The following SPOCK3 variants were observed in gnomAD, a reference collection of about 807,000 sequenced individuals.
SPOCK3 encodes SPARC (osteonectin), cwcv and kazal like domains proteoglycan 3.
SPOCK3 carries 30 observed loss-of-function variants against 56.6 expected under a neutral mutation model. The ratio of observed to expected loss-of-function variants is 0.53; its 90% CI spans 0.40 to 0.72. The LOEUF is 0.72. Ranked by LOEUF, SPOCK3 falls within the 30% of genes least tolerant of loss-of-function variation. The pLI is 0.00. For synonymous variants in SPOCK3, 196 were observed against 183.3 expected (o/e 1.07, Z -0.56); for missense variants, 527 against 530.0 (o/e 0.99, Z 0.06).
At chr4:167,233,899 C>T (rs1737444907) in intron 2 of SPOCK3, 86 bp downstream of exon 2, 1 of 1,183,418 alleles carries the variant, frequency 8.5e-7, no homozygotes, top group Non-Finnish European at 1.2e-6. Flanking sequence ...AAACGGAGCC[C>T]ACTCCCCACC....
At chr4:167,166,941 C>A (rs1170562511) in intron 2 of SPOCK3, among the ~76,000 whole-genome samples, 3 of 151,980 alleles carry the variant, frequency 2.0e-5, no homozygotes, top group Admixed American at 6.6e-5. Flanking sequence ...GAGTTCCATG[C>A]CCTAAATATT....
intron 4 of SPOCK3, among the ~76,000 whole-genome samples, chr4:166,947,743 G>A (rs566786033): frequency 1.8e-4 from 28 of 152,038 alleles, no homozygotes; most frequent in African/African-American, 4.3e-4. Context: ...AAATTGACAC[G>A]TCATAATTGC....
intron 3 of SPOCK3, among the ~76,000 whole-genome samples, chr4:167,037,135 G>T (rs1246586251): frequency 6.6e-6 from 1 of 152,164 alleles, no homozygotes; most frequent in Non-Finnish European, 1.5e-5. Context: ...ATCCTCAAAA[G>T]TAGGGGAGAA....
At chr4:167,024,860 A>T (rs1820596) in intron 3 of SPOCK3, among the ~76,000 whole-genome samples, 124,680 of 151,716 alleles carry the variant, frequency 0.82, 51,357 homozygotes, top group East Asian at 0.97. Flanking sequence ...ATAAAAAAAA[A>T]TTTTAAAAAT....
chr4:166,984,914 C>A (rs924991432), intron 4 of SPOCK3, among the ~76,000 whole-genome samples: 6 of 152,094 alleles, frequency 3.9e-5, no homozygotes, highest in African/African-American at 1.4e-4. Context: ...AATGATCATG[C>A]TTTTAGTTCC....
At chr4:167,116,632 C>CTATATACGTATATATATACATATATA (rs1561233813) in intron 2 of SPOCK3, among the ~76,000 whole-genome samples, 4 of 122,392 alleles carry the variant, frequency 3.3e-5, no homozygotes, top group African/African-American at 1.3e-4. Flanking sequence ...TACATATATA[C>CTATATACGTATATATATACATATATA]TATATACGTA....
At chr4:166,873,691 TTAC>T (rs1350639624) in intron 6 of SPOCK3, among the ~76,000 whole-genome samples, 1 of 152,168 alleles carries the variant, frequency 6.6e-6, no homozygotes, top group African/African-American at 2.4e-5. Flanking sequence ...AGATTCCCTG[TTAC>T]TACTAAATTA....
intron 2 of SPOCK3, among the ~76,000 whole-genome samples, chr4:167,116,845 TTA>T (rs1489445044): frequency 2.1e-5 from 3 of 141,422 alleles, no homozygotes; most frequent in Non-Finnish European, 4.6e-5. Flanking sequence ...ATATATACTT[TTA>T]TATATATACT....
intron 2 of SPOCK3, among the ~76,000 whole-genome samples, chr4:167,196,522 T>C (rs1212999371): frequency 6.6e-6 from 1 of 152,114 alleles, no homozygotes; most frequent in Non-Finnish European, 1.5e-5. Context: ...TCTTTCTTTT[T>C]TTTTTACATT....
intron 7 of SPOCK3, among the ~76,000 whole-genome samples, chr4:166,791,869 T>C (rs972652671): frequency 3.3e-5 from 5 of 152,176 alleles, no homozygotes; most frequent in African/African-American, 1.2e-4. Flanking sequence ...CTTTACTTTC[T>C]ATGTTGTTCT....
intron 2 of SPOCK3, among the ~76,000 whole-genome samples, chr4:167,097,076 C>T (rs566934535): frequency 6.6e-6 from 1 of 151,522 alleles, no homozygotes; most frequent in Non-Finnish European, 1.5e-5. Flanking sequence ...TATATAGTTA[C>T]TCTTATTTTA....
At position 166,752,611 on chromosome 4, in the gene SPOCK3, CACAT is replaced by C. The variant is rs1368201935; in HGVS notation, c.931+1893_931+1896del. Among the ~76,000 whole-genome samples, 28 of 145,858 alleles carry C rather than the reference CACAT, an allele frequency of 1.9e-4. No homozygotes were observed. In the East Asian group the frequency reaches 2.2e-3, roughly 12 times the overall value. On this transcript the variant is annotated intron_variant, in intron 8 of 10. Coordinates refer to ENST00000357545, the MANE Select transcript of SPOCK3 (RefSeq NM_001040159.2). ...ACACACACACACACACACACACACA[CACAT>C]ATATTTATAGCTACAGTAAACAAGA... is the stretch of plus-strand genomic sequence containing the variant.
chr4:166,962,266 T>C (rs115644030), intron 4 of SPOCK3, among the ~76,000 whole-genome samples: 126 of 152,256 alleles, frequency 8.3e-4, no homozygotes, highest in African/African-American at 3.0e-3. Context: ...TGTGAGGCCA[T>C]TGTTCTGTCT....
chr4:167,069,514 G>A (rs1054636354), intron 2 of SPOCK3, among the ~76,000 whole-genome samples: 3 of 151,854 alleles, frequency 2.0e-5, no homozygotes, highest in Non-Finnish European at 4.4e-5. Context: ...TACATTTTGG[G>A]CTGGTTCGTA....
At chr4:166,853,359 TA>T (rs552412141) in intron 6 of SPOCK3, among the ~76,000 whole-genome samples, 16 of 152,340 alleles carry the variant, frequency 1.1e-4, no homozygotes, top group Middle Eastern at 3.4e-3. Flanking sequence ...TTTTATAACA[TA>T]AAAATGGAAA....
intron 3 of SPOCK3, among the ~76,000 whole-genome samples, chr4:167,016,454 G>T (rs952059149): frequency 6.6e-6 from 1 of 151,882 alleles, no homozygotes; most frequent in Non-Finnish European, 1.5e-5. Context: ...TTAACTTTTA[G>T]AATGTAAAAT....
chr4:167,087,515 T>C (rs927256187), intron 2 of SPOCK3, among the ~76,000 whole-genome samples: 9 of 152,190 alleles, frequency 5.9e-5, no homozygotes, highest in African/African-American at 1.9e-4. Flanking sequence ...CCACAAATCT[T>C]ATCCCCAGAA....
At chr4:167,036,588 A>G (rs2150191516) in intron 3 of SPOCK3, among the ~76,000 whole-genome samples, 1 of 152,272 alleles carries the variant, frequency 6.6e-6, no homozygotes, top group African/African-American at 2.4e-5. Flanking sequence ...CATGCCTTTA[A>G]GATATGGTGT....
At chr4:166,833,547 G>A (rs1290434901) in intron 6 of SPOCK3, among the ~76,000 whole-genome samples, 2 of 152,024 alleles carry the variant, frequency 1.3e-5, no homozygotes, top group Admixed American at 6.6e-5. Context: ...AACACATTTG[G>A]CATTACATTT....
Sources: allele counts gnomAD v4.1 joint callset (sites outside exome capture counted in the v4.1 genomes callset), GRCh38; gene constraint gnomAD v4.1.1; transcripts MANE v1.5; gene names NCBI Gene and HGNC (gene_info 2026-07-23, HGNC 2026-07-21).